SPAG6: variants seen among roughly 807,000 people sequenced by gnomAD.
SPAG6 encodes sperm associated antigen 6.
Under a neutral mutation model 58.5 loss-of-function variants are expected in SPAG6, and 49 were observed. That is an observed-to-expected ratio of 0.84 (90% CI 0.67 to 1.06). The LOEUF (loss-of-function observed/expected upper bound fraction) is 1.06. Among genes scored for constraint, SPAG6 ranks in the 50% least tolerant of loss-of-function variants. The pLI is 0.00. For synonymous variants in SPAG6, 233 were observed against 225.6 expected (o/e 1.03, Z -0.29); for missense variants, 560 against 611.3 (o/e 0.92, Z 0.89).
chr10:22,375,120 A>G (rs1426456348), intron 4 of SPAG6, among the ~76,000 whole-genome samples: 1 of 152,250 alleles, frequency 6.6e-6, no homozygotes, highest in Non-Finnish European at 1.5e-5. Flanking sequence ...CCAAGTTTGA[A>G]CAATGCACCA....
intron 2 of SPAG6, chr10:22,360,876 A>G: frequency 6.8e-7 from 1 of 1,467,178 alleles, no homozygotes; most frequent in Non-Finnish European, 9.2e-7. Flanking sequence ...AGGTAAGAAA[A>G]ATTTCTTTTT....
At chr10:22,412,184 G>A (rs1054861492) in intron 10 of SPAG6, among the ~76,000 whole-genome samples, 1 of 151,894 alleles carries the variant, frequency 6.6e-6, no homozygotes, top group African/African-American at 2.4e-5. Flanking sequence ...TGCCCCCAAG[G>A]CATGCAGGAT....
At chr10:22,409,043 T>A (rs577501423) in intron 9 of SPAG6, among the ~76,000 whole-genome samples, 2 of 152,326 alleles carry the variant, frequency 1.3e-5, no homozygotes, top group South Asian at 4.1e-4. Flanking sequence ...CCTAGTGAGA[T>A]GAACCTGGTA....
intron 5 of SPAG6, among the ~76,000 whole-genome samples, chr10:22,387,393 A>G (rs1834092126): frequency 6.6e-6 from 1 of 152,162 alleles, no homozygotes; most frequent in Admixed American, 6.5e-5. Flanking sequence ...ATATCCTATA[A>G]TGTTTTAAAA....
intron 4 of SPAG6, among the ~76,000 whole-genome samples, chr10:22,385,401 G>A (rs1054686709): frequency 6.6e-6 from 1 of 152,132 alleles, no homozygotes; most frequent in Non-Finnish European, 1.5e-5. Flanking sequence ...ATATATTCCT[G>A]TCATCTGCCT....
At chr10:22,407,349 T>A (rs1239374755) in intron 9 of SPAG6, among the ~76,000 whole-genome samples, 2 of 151,976 alleles carry the variant, frequency 1.3e-5, no homozygotes, top group Admixed American at 1.3e-4. Context: ...ACAAAATCTC[T>A]CAGCATTTGC....
intron 9 of SPAG6, among the ~76,000 whole-genome samples, chr10:22,407,769 G>T (rs1180710392): frequency 6.6e-6 from 1 of 152,012 alleles, no homozygotes; most frequent in Non-Finnish European, 1.5e-5. Flanking sequence ...TCACTTTCAG[G>T]TACACCAATC....
rs577811826 is a variant in SPAG6 at position 22,365,129 on chromosome 10, C to T, written c.288+110C>T. 14 of 689,172 alleles carry T rather than the reference C, an allele frequency of 2.0e-5. No individual in the cohort carries two copies. In the East Asian group the frequency reaches 3.4e-4, roughly 17 times the overall value. 42.7% of individuals were successfully genotyped at this position (689,172 alleles called of 1,614,324 possible). The stretch of plus-strand genomic sequence containing the variant: ...AGGCATAAAATTATTAGGGGGTTAA[C>T]ACAATCTTCAATTATCTGAGCTGCA... On this transcript the variant is annotated intron_variant, in intron 3 of 10. Transcript: ENST00000376624.
At chr10:22,411,254 G>C in intron 10 of SPAG6, 78 bp downstream of exon 10, 1 of 1,217,796 alleles carries the variant, frequency 8.2e-7, no homozygotes, top group Non-Finnish European at 1.1e-6. Flanking sequence ...TATATCCACT[G>C]TGTCAAAATG....
intron 9 of SPAG6, among the ~76,000 whole-genome samples, chr10:22,409,702 A>G (rs1834679394): frequency 6.6e-6 from 1 of 152,236 alleles, no homozygotes; most frequent in South Asian, 2.1e-4. Context: ...TCAGAGGGAT[A>G]GTAGCAGTGA....
chr10:22,375,873 G>A (rs991594914), intron 4 of SPAG6, among the ~76,000 whole-genome samples: 15 of 151,962 alleles, frequency 9.9e-5, no homozygotes, highest in African/African-American at 3.4e-4. Flanking sequence ...CATTGTGCCC[G>A]GCCACCTCAA....
chr10:22,412,984 G>A (rs1834776604), intron 10 of SPAG6: 1 of 146,870 alleles, frequency 6.8e-6, no homozygotes, highest in Non-Finnish European at 1.5e-5. Flanking sequence ...CGTGGAATAT[G>A]TGTCCCTTCA....
chr10:22,373,565 A>G (rs1833752548), intron 4 of SPAG6, among the ~76,000 whole-genome samples: 1 of 152,232 alleles, frequency 6.6e-6, no homozygotes, highest in Non-Finnish European at 1.5e-5. Flanking sequence ...GATAAGAGCT[A>G]AGGACTTTGA....
In SPAG6 at chr10:22,403,224, G is replaced by A. The variant is rs558944617; in HGVS notation, c.1314+1947G>A. ...ATGTATACATGTGCCGTGCTGGTGC[G>A]TTGCACCCACTAACTCGTCATCTAG... On this transcript the variant is annotated intron_variant, in intron 9 of 10. Coordinates refer to ENST00000376624, the MANE Select transcript of SPAG6 (RefSeq NM_012443.4). Among the ~76,000 whole-genome samples the A allele has an allele frequency of 4.6e-5, 7 of 151,936 alleles. No homozygotes were observed. The East Asian group carries it at 7.7e-4, about 17-fold the overall frequency.
intron 4 of SPAG6, among the ~76,000 whole-genome samples, chr10:22,380,970 G>C (rs534487644): frequency 6.6e-6 from 1 of 151,856 alleles, no homozygotes; most frequent in South Asian, 2.1e-4. Flanking sequence ...ATGATCACTT[G>C]TTTGCTCAAA....
chr10:22,351,651 A>G (rs1348970305), intron 2 of SPAG6, among the ~76,000 whole-genome samples: 1 of 152,180 alleles, frequency 6.6e-6, no homozygotes, highest in African/African-American at 2.4e-5. Flanking sequence ...TCACGGGGGC[A>G]GAACTTTGGG....
chr10:22,372,155 A>G (rs1469951674), intron 4 of SPAG6, among the ~76,000 whole-genome samples: 1 of 152,016 alleles, frequency 6.6e-6, no homozygotes, highest in Non-Finnish European at 1.5e-5. Flanking sequence ...CATTTACACA[A>G]CTTTTTTTTA....
At position 22,347,831 on chromosome 10, in the gene SPAG6, T is replaced by C. The variant is rs1182582814; in HGVS notation, c.121+2013T>C. 2.0e-5 allele frequency among the ~76,000 whole-genome samples: 3 copies of C among 152,254 alleles called. 1 individual carries two copies. The highest frequency in any genetic ancestry group is 4.1e-4 in the South Asian group (2 of 4,834). On this transcript the variant is annotated intron_variant, in intron 2 of 10. Transcript: ENST00000376624. ...GCACTTGACTAATATCTGGGTAGCA[T>C]GCTAAAATGTTTCTTTTCCTGAGGG...
intron 4 of SPAG6, among the ~76,000 whole-genome samples, chr10:22,378,630 G>A (rs7073585): frequency 2.0e-5 from 3 of 152,064 alleles, no homozygotes; most frequent in South Asian, 4.2e-4. Context: ...TGCGTTACTC[G>A]ATTCAGCTTG....
Sources: gnomAD v4.1 joint callset for allele counts (sites outside exome capture counted in the v4.1 genomes callset) on GRCh38, gnomAD v4.1.1 for gene constraint, MANE v1.5 for transcripts, NCBI Gene and HGNC (gene_info 2026-07-23, HGNC 2026-07-21) for gene names.